TMOD2: variants seen among roughly 807,000 people sequenced by gnomAD.
TMOD2 encodes the protein tropomodulin 2.
Under a neutral mutation model 39.9 loss-of-function variants are expected in TMOD2, and 22 were observed. That is an observed-to-expected ratio of 0.55 (90% CI 0.39 to 0.79). The LOEUF (loss-of-function observed/expected upper bound fraction) is 0.79, where lower values mean the gene tolerates loss of function less well. Among genes scored for constraint, TMOD2 ranks in the 30% least tolerant of loss-of-function variants. The pLI, the probability that TMOD2 is intolerant of heterozygous loss-of-function variation, is 0.00. For missense variants in TMOD2, 386 were observed against 413.3 expected (o/e 0.93, Z 0.57); for synonymous variants, 123 against 146.1 (o/e 0.84, Z 1.14).
Position 51,815,950 on chromosome 15 carries a change from T to C in TMOD2, c.*7496T>C, listed in dbSNP as rs1385923180. ...TTTAAACTTCTATTGGCAACATTTA[T>C]TGGGCTAAGCAGTTATTGAAAACTC... is the stretch of plus-strand genomic sequence containing the variant. On this transcript the variant is annotated 3_prime_UTR_variant, in exon 10 of 10. Transcript: ENST00000249700. 6.6e-6 allele frequency: 1 copy of C among 152,196 alleles called. No individual in the cohort carries two copies. Among genetic ancestry groups the C allele is most frequent in the East Asian group, 1.9e-4 (1 of 5,198 alleles). The allele number at this position is 152,196 out of a possible 1,614,324, so 9.4% of individuals were successfully genotyped here. A position where few individuals can be genotyped will look rare whatever the true frequency, so the allele number is the denominator to read the frequency against.
At chr15:51,766,934 A>G (rs1352214152) in intron 2 of TMOD2, 1 of 161,008 alleles carries the variant, frequency 6.2e-6, no homozygotes, top group African/African-American at 2.4e-5. Context: ...GGTAAACTTT[A>G]TTAACCCCTA....
At chr15:51,768,854 C>T (rs1326280761) in intron 3 of TMOD2, among the ~76,000 whole-genome samples, 1 of 152,206 alleles carries the variant, frequency 6.6e-6, no homozygotes, top group Non-Finnish European at 1.5e-5. Flanking sequence ...AGCAAGGGAA[C>T]TGTCCCGGAA....
intron 4 of TMOD2, among the ~76,000 whole-genome samples, chr15:51,775,892 T>TA (rs1297907540): frequency 6.6e-6 from 1 of 152,202 alleles, no homozygotes; most frequent in Non-Finnish European, 1.5e-5. Context: ...GGCAAATTCT[T>TA]ATTTATTTAA....
intron 5 of TMOD2, among the ~76,000 whole-genome samples, chr15:51,779,072 C>T (rs1435976555): frequency 6.6e-6 from 1 of 151,992 alleles, no homozygotes; most frequent in African/African-American, 2.4e-5. Flanking sequence ...TCCTTCCACT[C>T]AGCCTTCTGA....
intron 3 of TMOD2, 43 bp downstream of exon 3, chr15:51,768,461 T>C (rs747787789): frequency 3.9e-5 from 28 of 720,406 alleles, no homozygotes; most frequent in South Asian, 3.4e-4. Context: ...AGGTTCTCTC[T>C]TTTTTTTTTT....
intron 5 of TMOD2, among the ~76,000 whole-genome samples, chr15:51,780,608 T>G (rs1462611845): frequency 6.6e-6 from 1 of 152,176 alleles, no homozygotes; most frequent in Non-Finnish European, 1.5e-5. Context: ...AGAATAGAAC[T>G]CAGAGGAGGG....
chr15:51,777,052 C>T (rs1222782191), intron 5 of TMOD2, 34 bp downstream of exon 5: 2 of 1,586,522 alleles, frequency 1.3e-6, no homozygotes, highest in Admixed American at 3.3e-5. Flanking sequence ...TTTTGTAAAG[C>T]TTTGGAGCCT....
intron 9 of TMOD2, among the ~76,000 whole-genome samples, chr15:51,807,906 T>G (rs2056131211): frequency 6.6e-6 from 1 of 152,210 alleles, no homozygotes; most frequent in East Asian, 1.9e-4. Context: ...AAAAGAACAT[T>G]AATCTCTGAG....
At chr15:51,760,128 G>A (rs766685407) in intron 1 of TMOD2, among the ~76,000 whole-genome samples, 4 of 152,230 alleles carry the variant, frequency 2.6e-5, no homozygotes, top group Non-Finnish European at 5.9e-5. Context: ...AATCATCCTG[G>A]AAAATGGAAG....
intron 3 of TMOD2, among the ~76,000 whole-genome samples, chr15:51,769,973 G>C (rs961293841): frequency 1.3e-5 from 2 of 152,202 alleles, no homozygotes; most frequent in African/African-American, 2.4e-5. Flanking sequence ...CAAAGCTGCA[G>C]TGAGCCGTGA....
intron 4 of TMOD2, among the ~76,000 whole-genome samples, chr15:51,776,522 G>T (rs145381374): frequency 6.6e-6 from 1 of 152,288 alleles, no homozygotes; most frequent in East Asian, 1.9e-4. Context: ...ATTGAAAGAG[G>T]CCTCTGGAAA....
At chr15:51,772,696 A>G (rs1290912240) in intron 3 of TMOD2, among the ~76,000 whole-genome samples, 2 of 152,108 alleles carry the variant, frequency 1.3e-5, no homozygotes, top group African/African-American at 2.4e-5. Context: ...TTTTCCTTAC[A>G]ATCATGCCTG....
rs1218076371 is a variant in TMOD2, at chr15:51,806,365, A to C, written c.877-12A>C. The C allele has an allele frequency of 6.2e-7, 1 of 1,614,042 alleles. No individual in the cohort carries two copies. Among genetic ancestry groups the C allele is most frequent in the East Asian group, 2.2e-5 (1 of 44,880 alleles). On this transcript the variant is annotated splice_polypyrimidine_tract_variant and intron_variant, in intron 8 of 9. Coordinates refer to ENST00000249700, the MANE Select transcript of TMOD2 (RefSeq NM_014548.4). ...TTGGTCATCCTGTGCATGTGTCTGC[A>C]CCTGCAACCAGAGGCAGCAGTTGGG...
Position 51,777,193 on chromosome 15 carries a change from G to A in TMOD2, c.493+175G>A, listed in dbSNP as rs118127819. On this transcript the variant is annotated intron_variant, in intron 5 of 9. Transcript: ENST00000249700. ...GCTGACAATGAGAGCTCCATCTGGC[G>A]GTGAAACTAGTACAAATCAGTGTGT... 4.7e-4 allele frequency among the ~76,000 whole-genome samples: 72 copies of A among 152,234 alleles called. No individual in the cohort carries two copies. In the East Asian group the frequency reaches 0.012, roughly 24 times the overall value.
intron 6 of TMOD2, among the ~76,000 whole-genome samples, chr15:51,781,808 G>GAA (rs1204335929): frequency 1.5e-4 from 17 of 115,172 alleles, no homozygotes; most frequent in Admixed American, 1.4e-3. Context: ...GAGTAGGAGA[G>GAA]AGAGAGAGAG....
chr15:51,782,635 C>T, intron 6 of TMOD2, 86 bp from the exon 7 acceptor site: 1 of 1,007,972 alleles, frequency 9.9e-7, no homozygotes, highest in Non-Finnish European at 1.5e-6. Context: ...CTACACATAC[C>T]TGGTATTTAA....
At chr15:51,771,768 G>C (rs1174722116) in intron 3 of TMOD2, among the ~76,000 whole-genome samples, 1 of 152,234 alleles carries the variant, frequency 6.6e-6, no homozygotes, top group African/African-American at 2.4e-5. Context: ...GGAATGTTAA[G>C]TCTGAGATGA....
At chr15:51,778,758 G>A (rs1468185130) in intron 5 of TMOD2, among the ~76,000 whole-genome samples, 1 of 142,470 alleles carries the variant, frequency 7.0e-6, no homozygotes, top group Admixed American at 7.4e-5. Flanking sequence ...GGGTTCAAGC[G>A]ATTCTCCTGC....
chr15:51,761,715 C>A (rs2055782043), intron 1 of TMOD2, among the ~76,000 whole-genome samples: 1 of 150,540 alleles, frequency 6.6e-6, no homozygotes, highest in African/African-American at 2.5e-5. Flanking sequence ...CAGAATGAGA[C>A]CCTGTCTTTA....
Sources: gnomAD v4.1 joint callset for allele counts (sites outside exome capture counted in the v4.1 genomes callset) on GRCh38, gnomAD v4.1.1 for gene constraint, MANE v1.5 for transcripts, NCBI Gene and HGNC (gene_info 2026-07-23, HGNC 2026-07-21) for gene names.